The following PPP2R2C variants were observed in gnomAD, a reference collection of about 807,000 sequenced individuals.
PPP2R2C encodes the protein protein phosphatase 2, regulatory subunit B, gamma.
PPP2R2C carries 10 observed loss-of-function variants against 45.3 expected under a neutral mutation model. The observed-to-expected ratio is 0.22, with a 90% CI of 0.14 to 0.37. PPP2R2C has a LOEUF of 0.37. PPP2R2C is among the 10% of genes least tolerant of loss of function. The pLI is 1.00. For synonymous variants in PPP2R2C, 257 were observed against 245.4 expected (o/e 1.05, Z -0.44); for missense variants, 308 against 619.7 (o/e 0.50, Z 5.34).
At chr4:6,350,274 G>A (rs1712419504) in intron 5 of PPP2R2C, 3 of 985,482 alleles carry the variant, frequency 3.0e-6, no homozygotes, top group Non-Finnish European at 3.6e-6. Flanking sequence ...TGCCTCCCAT[G>A]GCTTTCCAGG....
intron 1 of PPP2R2C, among the ~76,000 whole-genome samples, chr4:6,542,983 G>C (rs1207611642): frequency 2.0e-5 from 3 of 152,224 alleles, no homozygotes; most frequent in African/African-American, 7.2e-5. Flanking sequence ...AAGCAGGGAG[G>C]CCTGCATTTC....
chr4:6,414,116 G>A, intron 1 of PPP2R2C: 3 of 1,111,508 alleles, frequency 2.7e-6, no homozygotes, highest in South Asian at 2.0e-5. Context: ...GTGTGTGTGT[G>A]TGTGTGTACA....
chr4:6,543,938 C>T (rs953464917), intron 1 of PPP2R2C, among the ~76,000 whole-genome samples: 5 of 152,208 alleles, frequency 3.3e-5, no homozygotes, highest in African/African-American at 7.2e-5. Context: ...TTTCGGCCCC[C>T]GAGCTGAGCT....
chr4:6,416,882 G>C (rs1355448290), intron 1 of PPP2R2C, among the ~76,000 whole-genome samples: 1 of 152,142 alleles, frequency 6.6e-6, no homozygotes, highest in South Asian at 2.1e-4. Flanking sequence ...TCCCCCTGTC[G>C]GGGGGAGACT....
At chr4:6,498,956 G>GTCCCTC (rs1722961020) in intron 2 of PPP2R2C, among the ~76,000 whole-genome samples, 1 of 151,810 alleles carries the variant, frequency 6.6e-6, no homozygotes, top group African/African-American at 2.4e-5. Flanking sequence ...CTCTCTCCCC[G>GTCCCTC]TCCCTCTCCC....
At position 6,378,649 on chromosome 4, in the gene PPP2R2C, G is replaced by C; in HGVS notation, c.169-77C>G. On this transcript the variant is annotated intron_variant, in intron 2 of 8. Coordinates refer to ENST00000382599, the MANE Select transcript of PPP2R2C (RefSeq NM_020416.4). The surrounding 1 kb of genome is among the most constrained non-coding windows in gnomAD (Gnocchi z 5.2). ...GGCTAGGACCTCCGGGGACCCAGCA[G>C]GGCCGGCCGTGGGACCAAGTGCCGA... is the stretch of plus-strand genomic sequence containing the variant. The C allele has an allele frequency of 6.7e-7, 1 of 1,490,566 alleles. No individual in the cohort carries two copies. Among genetic ancestry groups the C allele is most frequent in the Non-Finnish European group, 9.1e-7 (1 of 1,104,132 alleles). 92.3% of individuals were successfully genotyped at this position (1,490,566 alleles called of 1,614,324 possible).
At chr4:6,544,745 G>T (rs1175344041) in intron 1 of PPP2R2C, among the ~76,000 whole-genome samples, 2 of 152,178 alleles carry the variant, frequency 1.3e-5, no homozygotes, top group Non-Finnish European at 2.9e-5. Context: ...AATAGAAACT[G>T]CTGGCCAGCT....
At chr4:6,473,008 G>A (rs750846227), upstream of PPP2R2C, among the ~76,000 whole-genome samples, 2 of 152,154 alleles carry the variant, frequency 1.3e-5, no homozygotes, top group Admixed American at 6.5e-5. Context: ...GGGGACTCGG[G>A]GGAGGGGAAG....
chr4:6,385,209 C>T (rs1287050164), intron 1 of PPP2R2C, among the ~76,000 whole-genome samples: 2 of 152,178 alleles, frequency 1.3e-5, no homozygotes, highest in South Asian at 2.1e-4. Context: ...TCCCGCCAGT[C>T]GCTCCCTGCA....
At chr4:6,468,765 C>T (rs1170775847) in intron 1 of PPP2R2C, among the ~76,000 whole-genome samples, 5 of 152,096 alleles carry the variant, frequency 3.3e-5, no homozygotes, top group African/African-American at 1.2e-4. Flanking sequence ...TCTGGAAGTG[C>T]TTATTCAACT....
chr4:6,470,717 C>A (rs2108769038), intron 1 of PPP2R2C, among the ~76,000 whole-genome samples: 1 of 152,340 alleles, frequency 6.6e-6, no homozygotes, highest in African/African-American at 2.4e-5. Context: ...CTCAGCCTCG[C>A]CGAAGCAGGC....
chr4:6,513,221 T>A (rs1723724879), intron 2 of PPP2R2C, among the ~76,000 whole-genome samples: 1 of 152,208 alleles, frequency 6.6e-6, no homozygotes, highest in South Asian at 2.1e-4. Context: ...TCTTGAAAAC[T>A]TAAGATATTA....
chr4:6,357,789 T>A (rs1353611181), intron 5 of PPP2R2C, among the ~76,000 whole-genome samples: 2 of 152,190 alleles, frequency 1.3e-5, no homozygotes, highest in African/African-American at 4.8e-5. Context: ...GCTCAGAACC[T>A]GCACCTGGGG....
intron 2 of PPP2R2C, among the ~76,000 whole-genome samples, chr4:6,379,780 T>TA (rs1715633523): frequency 6.6e-6 from 1 of 152,078 alleles, no homozygotes; most frequent in South Asian, 2.1e-4. Context: ...TCCTCCTCTG[T>TA]AAAATGAGGG....
At chr4:6,526,642 T>C (rs1354920086) in intron 2 of PPP2R2C, among the ~76,000 whole-genome samples, 1 of 152,124 alleles carries the variant, frequency 6.6e-6, no homozygotes, top group Admixed American at 6.5e-5. Context: ...TCCATCCATC[T>C]CCCTGGCCTG....
chr4:6,461,780 G>C (rs1216031470), intron 1 of PPP2R2C, among the ~76,000 whole-genome samples: 1 of 152,238 alleles, frequency 6.6e-6, no homozygotes, highest in Non-Finnish European at 1.5e-5. Flanking sequence ...TCTTCCCTCA[G>C]AAAGTGCTGG....
intron 1 of PPP2R2C, chr4:6,414,075 T>C (rs1212073519): frequency 2.2e-6 from 2 of 928,404 alleles, no homozygotes; most frequent in Non-Finnish European, 1.4e-6. Context: ...TTTGCCTGTG[T>C]ATGTGTGTGT....
At chr4:6,420,652 A>G (rs1472551097) in intron 1 of PPP2R2C, among the ~76,000 whole-genome samples, 1 of 152,164 alleles carries the variant, frequency 6.6e-6, no homozygotes, top group Admixed American at 6.6e-5. Context: ...ACGAACTGTC[A>G]TCCAGGAAAT....
intron 6 of PPP2R2C, among the ~76,000 whole-genome samples, chr4:6,347,036 T>G (rs1712026292): frequency 6.6e-6 from 1 of 152,196 alleles, no homozygotes; most frequent in African/African-American, 2.4e-5. Flanking sequence ...GCCTGATCCC[T>G]CGCCTTCAGG....
Sources: gnomAD v4.1 joint callset for allele counts (sites outside exome capture counted in the v4.1 genomes callset) on GRCh38, gnomAD v4.1.1 for gene constraint, Gnocchi (gnomAD v3.1) non-coding constraint, MANE v1.5 for transcripts, NCBI Gene and HGNC (gene_info 2026-07-23, HGNC 2026-07-21) for gene names.